FRMD4B: variants seen among roughly 807,000 people sequenced by gnomAD.
FRMD4B encodes FERM domain containing 4B.
In FRMD4B, 74 loss-of-function variants were observed where a neutral mutation model predicts 141.5. That is an observed-to-expected ratio of 0.52 (90% CI 0.43 to 0.63). FRMD4B has a LOEUF of 0.63. Among genes scored for constraint, FRMD4B ranks in the 30% least tolerant of loss-of-function variants. The pLI is 0.00. For synonymous variants in FRMD4B, 506 were observed against 467.9 expected, an observed-to-expected ratio of 1.08 and a Z score of -1.05; for missense variants, 1,366 against 1,253.4, an observed-to-expected ratio of 1.09 and a Z score of -1.36.
rs756033549 is a variant in FRMD4B at position 69,170,343 on chromosome 3, T to A, written c.*1518A>T. 6.6e-6 allele frequency: 1 copy of A among 152,006 alleles called. No homozygotes were observed. The highest frequency in any genetic ancestry group is 2.4e-5 in the African/African-American group (1 of 41,400). 9.4% of individuals were successfully genotyped at this position (152,006 alleles called of 1,614,324 possible). On this transcript the variant is annotated 3_prime_UTR_variant, in exon 23 of 23. Coordinates refer to ENST00000398540, the MANE Select transcript of FRMD4B (RefSeq NM_015123.3). ...GAAAAGTCAGAACAATAAAAGAATA[T>A]GCAAAAAGGTTATTTCTGATTCTAG...
At chr3:69,284,440 T>C (rs749817481) in intron 5 of FRMD4B, among the ~76,000 whole-genome samples, 8 of 152,118 alleles carry the variant, frequency 5.3e-5, no homozygotes, top group Non-Finnish European at 1.0e-4. Flanking sequence ...TCATGGGGCA[T>C]TGAATAGAGT....
intron 1 of FRMD4B, among the ~76,000 whole-genome samples, chr3:69,489,323 TATAA>T (rs1706268155): frequency 2.0e-5 from 3 of 149,610 alleles, no homozygotes; most frequent in South Asian, 4.2e-4. Flanking sequence ...TGTATACATA[TATAA>T]ATGAGATATA....
At chr3:69,339,449 G>C (rs576030138) in intron 1 of FRMD4B, among the ~76,000 whole-genome samples, 1 of 152,198 alleles carries the variant, frequency 6.6e-6, no homozygotes, top group South Asian at 2.1e-4. Context: ...TATGGATAAT[G>C]ACAGTATCTG....
intron 5 of FRMD4B, among the ~76,000 whole-genome samples, chr3:69,255,002 G>C (rs995950853): frequency 6.6e-6 from 1 of 152,140 alleles, no homozygotes; most frequent in Non-Finnish European, 1.5e-5. Flanking sequence ...CAACGTACAG[G>C]AGACTGAAGA....
At chr3:69,498,695 CACTT>C (rs2107054341) in intron 1 of FRMD4B, among the ~76,000 whole-genome samples, 1 of 152,256 alleles carries the variant, frequency 6.6e-6, no homozygotes, top group African/African-American at 2.4e-5. Flanking sequence ...AGTAAATAAA[CACTT>C]AGCAGACACT....
At chr3:69,462,132 G>A (rs909643289) in intron 1 of FRMD4B, among the ~76,000 whole-genome samples, 4 of 152,144 alleles carry the variant, frequency 2.6e-5, no homozygotes, top group Admixed American at 2.6e-4. Context: ...GTAGGGAAGT[G>A]AGGAATGGAG....
In FRMD4B at chr3:69,308,029, C is replaced by T. The variant is rs180852093; in HGVS notation, c.323+3234G>A. Reference sequence around the variant, plus strand: ...TGTCACCTCTCATCTCCCCTCCCATCTATTTAAAGTCTACCTTACCTGCAA... The same window carrying T: ...TGTCACCTCTCATCTCCCCTCCCATTTATTTAAAGTCTACCTTACCTGCAA... On this transcript the variant is annotated intron_variant, in intron 3 of 22. Transcript: ENST00000398540. Among the ~76,000 whole-genome samples, 246 of 152,296 alleles carry T rather than the reference C, an allele frequency of 1.6e-3. 2 individuals are homozygous for T. Among genetic ancestry groups the T allele is most frequent in the South Asian group, 6.0e-3 (29 of 4,828 alleles).
rs190423686 is a variant in FRMD4B at position 69,250,894 on chromosome 3, C to T, written c.502-795G>A. Among the ~76,000 whole-genome samples, 10 of 151,534 alleles carry T rather than the reference C, an allele frequency of 6.6e-5. No individual in the cohort carries two copies. In the East Asian group the frequency reaches 1.9e-3, roughly 29 times the overall value. On this transcript the variant is annotated intron_variant, in intron 5 of 22. Transcript: ENST00000398540. ...CTTGAGGCCAGGAGTTTGAGACCAG[C>T]TTGGGCAACATAGAGAGACCTCATC...
At chr3:69,385,467 C>T (rs1704226263) in intron 1 of FRMD4B, among the ~76,000 whole-genome samples, 2 of 152,124 alleles carry the variant, frequency 1.3e-5, no homozygotes, top group Admixed American at 1.3e-4. Flanking sequence ...GCAGCCACTC[C>T]CACCCCCAAT....
upstream of FRMD4B, chr3:69,386,267 A>C: frequency 1.6e-5 from 5 of 321,518 alleles, no homozygotes; most frequent in East Asian, 5.0e-5. Context: ...AAGCTCCACC[A>C]AGCTGGCCCT....
At chr3:69,343,583 T>TTTTG (rs1702820563) in intron 1 of FRMD4B, among the ~76,000 whole-genome samples, 1 of 42,854 alleles carries the variant, frequency 2.3e-5, no homozygotes, top group Non-Finnish European at 5.6e-5. Flanking sequence ...TTTTGTTTTT[T>TTTTG]TTTTTTTTTT....
At chr3:69,291,237 T>C (rs1700862200) in intron 4 of FRMD4B, among the ~76,000 whole-genome samples, 1 of 152,180 alleles carries the variant, frequency 6.6e-6, no homozygotes, top group Admixed American at 6.5e-5. Flanking sequence ...CTAAGATTAT[T>C]TTTTTCCTTC....
chr3:69,251,920 G>A (rs999175801), intron 5 of FRMD4B, among the ~76,000 whole-genome samples: 1 of 152,156 alleles, frequency 6.6e-6, no homozygotes, highest in African/African-American at 2.4e-5. Flanking sequence ...AGGGCTAACA[G>A]GAGAACTCAA....
At position 69,319,488 on chromosome 3, in the gene FRMD4B, T is replaced by G. The variant is rs559324936; in HGVS notation, c.163-5971A>C. ...ATAAATAACAGGTAAAGTTAACAAGTCACTTAACAAGCATATGGCAGAAAA... is the reference window on the plus strand; with the variant it reads ...ATAAATAACAGGTAAAGTTAACAAGGCACTTAACAAGCATATGGCAGAAAA... On this transcript the variant is annotated intron_variant, in intron 1 of 22. Transcript: ENST00000398540. 2.6e-5 allele frequency among the ~76,000 whole-genome samples: 4 copies of G among 152,282 alleles called. No individual in the cohort carries two copies. The South Asian group carries it at 8.3e-4, about 32-fold the overall frequency.
At chr3:69,191,450 A>G (rs60163276) in intron 17 of FRMD4B, among the ~76,000 whole-genome samples, 4 of 152,228 alleles carry the variant, frequency 2.6e-5, no homozygotes, top group Admixed American at 6.5e-5. Context: ...AAACAAAAAA[A>G]CAAACGTATT....
rs571702454 is a variant in FRMD4B at position 69,345,679 on chromosome 3, T to C, written c.163-32162A>G. Among the ~76,000 whole-genome samples, 175 of 152,304 alleles carry C rather than the reference T, an allele frequency of 1.1e-3. 1 individual carries two copies. The highest frequency in any genetic ancestry group is 2.0e-3 in the Non-Finnish European group (133 of 68,020). On this transcript the variant is annotated intron_variant, in intron 1 of 22. Coordinates refer to ENST00000398540, the MANE Select transcript of FRMD4B (RefSeq NM_015123.3). ...CAGCAACATTTGCTGTTGAGCAATA[T>C]TCGCTGTTCTGCAGCCTCTGCTGCT...
intron 1 of FRMD4B, among the ~76,000 whole-genome samples, chr3:69,370,730 G>T (rs1703800994): frequency 6.6e-6 from 1 of 152,152 alleles, no homozygotes; most frequent in East Asian, 1.9e-4. Flanking sequence ...TCCTCCAAAT[G>T]CTTGGTGTCT....
At chr3:69,203,139 G>C (rs1013280630) in intron 11 of FRMD4B, among the ~76,000 whole-genome samples, 3 of 151,196 alleles carry the variant, frequency 2.0e-5, no homozygotes, top group African/African-American at 7.3e-5. Context: ...GACGATTACA[G>C]TTTATTTAAT....
At chr3:69,470,599 T>C (rs1311302247) in intron 1 of FRMD4B, among the ~76,000 whole-genome samples, 1 of 152,190 alleles carries the variant, frequency 6.6e-6, no homozygotes, top group Non-Finnish European at 1.5e-5. Flanking sequence ...GGGGAGCTGG[T>C]AAGCTCCAAT....
Sources: allele counts gnomAD v4.1 joint callset (sites outside exome capture counted in the v4.1 genomes callset), GRCh38; gene constraint gnomAD v4.1.1; transcripts MANE v1.5; gene names NCBI Gene and HGNC (gene_info 2026-07-23, HGNC 2026-07-21).